The following COL5A2 variants were observed in gnomAD, a reference collection of about 807,000 sequenced individuals.
The protein encoded by COL5A2 is collagen alpha-2(V) chain.
A neutral mutation model predicts 208.2 loss-of-function variants in COL5A2; 23 were observed. The ratio of observed to expected loss-of-function variants is 0.11; its 90% confidence interval spans 0.08 to 0.16. COL5A2 has a LOEUF of 0.16. COL5A2 is among the 10% of genes least tolerant of loss of function. The pLI is 1.00. For missense variants in COL5A2, 1,590 were observed against 1,956.4 expected, an observed-to-expected ratio of 0.81 and a Z score of 3.53; for synonymous variants, 625 against 628.5, an observed-to-expected ratio of 0.99 and a Z score of 0.08.
At chr2:189,053,726 G>A (rs1685840051) in intron 37 of COL5A2, among the ~76,000 whole-genome samples, 169 bp downstream of exon 37, 1 of 152,210 alleles carries the variant, frequency 6.6e-6, no homozygotes, top group Non-Finnish European at 1.5e-5. Flanking sequence ...TTAATAGATT[G>A]TATAGCAGAT....
the COL5A2 span, among the ~76,000 whole-genome samples, chr2:189,374,397 A>T: frequency 1.3e-5 from 2 of 151,908 alleles, no homozygotes; most frequent in African/African-American, 4.8e-5. Context: ...TTTTGAGATC[A>T]CTATTAACAA....
chr2:189,272,489 C>T, the COL5A2 span, among the ~76,000 whole-genome samples: 4 of 151,956 alleles, frequency 2.6e-5, no homozygotes, highest in Non-Finnish European at 4.4e-5. Flanking sequence ...GGGAGGGGAA[C>T]ATCACACACC....
the COL5A2 span, among the ~76,000 whole-genome samples, chr2:189,248,253 A>G: frequency 6.6e-6 from 1 of 152,204 alleles, no homozygotes; most frequent in African/African-American, 2.4e-5. Flanking sequence ...TATTTGTGCA[A>G]CAAAGTCTGG....
At chr2:189,231,193 C>A in the COL5A2 span, among the ~76,000 whole-genome samples, 1 of 149,552 alleles carries the variant, frequency 6.7e-6, no homozygotes, top group Non-Finnish European at 1.5e-5. Flanking sequence ...TGAGGAGTTT[C>A]TTTTCAGTCA....
intron 2 of COL5A2, among the ~76,000 whole-genome samples, chr2:189,107,617 G>C (rs895523509): frequency 9.2e-5 from 14 of 151,504 alleles, no homozygotes; most frequent in African/African-American, 3.4e-4. Context: ...GATGCTAAAT[G>C]CACATACTTT....
chr2:189,324,543 C>T, the COL5A2 span, among the ~76,000 whole-genome samples: 24 of 152,322 alleles, frequency 1.6e-4, no homozygotes, highest in Non-Finnish European at 3.1e-4. Flanking sequence ...GACATTTATG[C>T]AGCCAACAGA....
chr2:189,225,038 T>G (rs1033416126), intron 1 of COL5A2, among the ~76,000 whole-genome samples: 2 of 152,146 alleles, frequency 1.3e-5, no homozygotes, highest in African/African-American at 4.8e-5. Flanking sequence ...CATTTTACAA[T>G]TATAAAACTG....
rs763786426 is a variant in COL5A2 at position 189,041,569 on chromosome 2, A to G, written c.3633+17T>C. On this transcript the variant is annotated intron_variant, in intron 50 of 53. Coordinates refer to ENST00000374866, the MANE Select transcript of COL5A2 (RefSeq NM_000393.5). ...GAATAAATAGCATTTCTTGCATGTA[A>G]ACCTTTGTGACTTTACCTCAGGTCC... The G allele has an allele frequency of 5.7e-6, 9 of 1,567,774 alleles. No homozygotes were observed. The South Asian group carries it at 1.0e-4, about 17-fold the overall frequency.
chr2:189,383,638 A>G, the COL5A2 span, among the ~76,000 whole-genome samples: 1 of 152,136 alleles, frequency 6.6e-6, no homozygotes, highest in African/African-American at 2.4e-5. Context: ...GATATATAAT[A>G]GTTGCACAGT....
chr2:189,230,886 A>G, the COL5A2 span, among the ~76,000 whole-genome samples: 13 of 152,106 alleles, frequency 8.5e-5, 1 homozygote, highest in South Asian at 1.4e-3. Context: ...AGATATTTGT[A>G]TTCCCATATT....
At chr2:189,144,637 A>G (rs527562436) in intron 1 of COL5A2, among the ~76,000 whole-genome samples, 5 of 152,028 alleles carry the variant, frequency 3.3e-5, no homozygotes, top group Admixed American at 2.6e-4. Context: ...TATATTTTAT[A>G]TATATACTTT....
chr2:189,135,899 C>G (rs1475882536), intron 1 of COL5A2, among the ~76,000 whole-genome samples: 2 of 152,198 alleles, frequency 1.3e-5, no homozygotes, highest in Non-Finnish European at 2.9e-5. Context: ...ACAGCAACTC[C>G]CATCCCTCAT....
intron 4 of COL5A2, 53 bp from the exon 5 acceptor site, chr2:189,098,812 A>G: frequency 1.5e-6 from 2 of 1,290,476 alleles, no homozygotes; most frequent in Non-Finnish European, 2.3e-6. Flanking sequence ...AGATATTCAG[A>G]GAGGTCAATA....
the COL5A2 span, among the ~76,000 whole-genome samples, chr2:189,366,225 T>A: frequency 0.012 from 1,850 of 152,282 alleles, 32 homozygotes; most frequent in Non-Finnish European, 0.016. Flanking sequence ...GCCATGATTA[T>A]TCATATTTTC....
chr2:189,243,845 A>G, the COL5A2 span, among the ~76,000 whole-genome samples: 1 of 152,212 alleles, frequency 6.6e-6, no homozygotes, highest in South Asian at 2.1e-4. Flanking sequence ...AGGCACAGGC[A>G]TTGGATAAAT....
the COL5A2 span, among the ~76,000 whole-genome samples, chr2:189,268,141 G>A: frequency 6.6e-6 from 1 of 152,012 alleles, no homozygotes; most frequent in Non-Finnish European, 1.5e-5. Context: ...TTGAGTCACA[G>A]TACTTTTGAA....
chr2:189,147,647 C>G (rs575944247), intron 1 of COL5A2, among the ~76,000 whole-genome samples: 15 of 151,934 alleles, frequency 9.9e-5, no homozygotes, highest in Admixed American at 5.9e-4. Flanking sequence ...AAGTAAAGAC[C>G]AAAAAAATAT....
the COL5A2 span, among the ~76,000 whole-genome samples, chr2:189,338,722 A>C: frequency 4.7e-5 from 7 of 148,144 alleles, no homozygotes; most frequent in Non-Finnish European, 1.0e-4. Context: ...TATATTTTAT[A>C]ATATAAAATT....
chr2:189,241,099 A>T, the COL5A2 span, among the ~76,000 whole-genome samples: 1 of 152,148 alleles, frequency 6.6e-6, no homozygotes, highest in Non-Finnish European at 1.5e-5. Context: ...ATAATGTTCA[A>T]TAGTGCCCTG....
Sources: allele counts gnomAD v4.1 joint callset (sites outside exome capture counted in the v4.1 genomes callset), GRCh38; gene constraint gnomAD v4.1.1; transcripts MANE v1.5; gene names NCBI Gene and HGNC (gene_info 2026-07-23, HGNC 2026-07-21).